The following EVC variants were observed in gnomAD, a reference collection of about 807,000 sequenced individuals.
The protein encoded by EVC is EvC ciliary complex subunit 1.
EVC carries 116 observed loss-of-function variants against 118.9 expected under a neutral mutation model. The observed-to-expected ratio is 0.98, with a 90% confidence interval of 0.84 to 1.14. The LOEUF (loss-of-function observed/expected upper bound fraction) is 1.14. Among genes scored for constraint, EVC ranks in the 50% most tolerant of loss-of-function variants. EVC has a pLI of 0.00. For missense variants in EVC, 1,401 were observed against 1,246.4 expected, an observed-to-expected ratio of 1.12 and a Z score of -1.87; for synonymous variants, 619 against 534.7, an observed-to-expected ratio of 1.16 and a Z score of -2.18.
At position 5,756,547 on chromosome 4, in the gene EVC, A is replaced by T. The variant is rs12499655; in HGVS notation, c.1563+185A>T. Among the ~76,000 whole-genome samples the T allele has an allele frequency of 2.6e-4, 40 of 152,166 alleles. No individual in the cohort carries two copies. Among genetic ancestry groups the T allele is most frequent in the African/African-American group, 9.4e-4 (39 of 41,496 alleles). ...CCTTGCCCACATCAGAAACCGAGGC[A>T]GTTGGCCTTGGTCCTCTCTGAGGCA... On this transcript the variant is annotated intron_variant, in intron 11 of 20. Coordinates refer to ENST00000264956, the MANE Select transcript of EVC (RefSeq NM_153717.3). The surrounding 1 kb of genome is among the most constrained non-coding windows in gnomAD (Gnocchi z 4.2).
intron 14 of EVC, among the ~76,000 whole-genome samples, chr4:5,797,879 G>A (rs1560426570): frequency 6.6e-6 from 1 of 152,304 alleles, no homozygotes; most frequent in Admixed American, 6.5e-5. Flanking sequence ...AGGCCTCTGT[G>A]GTCTCTTTGA....
At chr4:5,714,097 G>A (rs1208091586) in intron 1 of EVC, among the ~76,000 whole-genome samples, 3 of 151,962 alleles carry the variant, frequency 2.0e-5, no homozygotes, top group South Asian at 4.1e-4. Flanking sequence ...CTCCGCCTGC[G>A]CGGTCCTTTC....
In EVC at chr4:5,731,706, G is replaced by A. The variant is rs576017303; in HGVS notation, c.617+49G>A. ...ATGAGGCTTCCAGTCCTCTTGGAGT[G>A]GGCCGGGAGTCACATCATTGTCAGA... is the stretch of plus-strand genomic sequence containing the variant. On this transcript the variant is annotated intron_variant, in intron 4 of 20. Coordinates refer to ENST00000264956, the MANE Select transcript of EVC (RefSeq NM_153717.3). This position sits in a 1 kb window ranked among gnomAD's most constrained non-coding sequence, Gnocchi z 5.6. 101 of 1,532,238 alleles carry A rather than the reference G, an allele frequency of 6.6e-5. 3 individuals are homozygous for A. In the South Asian group the frequency reaches 1.1e-3, roughly 17 times the overall value. The allele number at this position is 1,532,238 out of a possible 1,614,324, so 94.9% of individuals were successfully genotyped here.
Position 5,804,769 on chromosome 4 carries a change from A to C in EVC, c.2489A>C (p.Glu830Ala). 6.2e-7 allele frequency: 1 copy of C among 1,614,138 alleles called. No individual in the cohort carries two copies. Among genetic ancestry groups the C allele is most frequent in the Non-Finnish European group, 8.5e-7 (1 of 1,180,032 alleles). Residue 830 changes from glutamate to alanine, a missense_variant, in exon 17 of 21, where the codon GAA (glutamate) becomes GCA (alanine). Coordinates refer to ENST00000264956, the MANE Select transcript of EVC (RefSeq NM_153717.3). Reference sequence around the variant, plus strand: ...AATTACAAACTGCGGAAAAAGCAAGAACTCAGCAACCCTTCGTCGGGCAGC... The same window carrying C: ...AATTACAAACTGCGGAAAAAGCAAGCACTCAGCAACCCTTCGTCGGGCAGC... ...MENYKLRKKQ[E>A]LSNPSSGSRT...
chr4:5,767,690 T>G (rs1225989347), intron 11 of EVC, among the ~76,000 whole-genome samples: 3 of 152,104 alleles, frequency 2.0e-5, no homozygotes, highest in Non-Finnish European at 4.4e-5. Context: ...CCCCTTTCTT[T>G]GATTAGGAAA....
intron 3 of EVC, among the ~76,000 whole-genome samples, chr4:5,729,855 A>G (rs1395108350): frequency 3.9e-5 from 6 of 152,170 alleles, no homozygotes; most frequent in African/African-American, 1.4e-4. Context: ...ACACGTAAGG[A>G]AACTGAGGCC....
chr4:5,818,253 C>A (rs1560463891), downstream of EVC, among the ~76,000 whole-genome samples: 2 of 152,196 alleles, frequency 1.3e-5, no homozygotes, highest in African/African-American at 4.8e-5. Context: ...CCACGTGGAA[C>A]TGTGAGTCCA....
chr4:5,719,122 C>T lies in EVC; in HGVS notation c.175-126C>T. The T allele has an allele frequency of 7.9e-7, 1 of 1,273,016 alleles. No individual in the cohort carries two copies. Among genetic ancestry groups the T allele is most frequent in the Non-Finnish European group, 1.1e-6 (1 of 879,418 alleles). The allele number at this position is 1,273,016 out of a possible 1,614,324, so 78.9% of individuals were successfully genotyped here. ...CACAGAAGACCAAGCTTGAGAAGCACAGAGGCGAGCAGAAGTGGCTGCTGG... is the reference window on the plus strand; with the variant it reads ...CACAGAAGACCAAGCTTGAGAAGCATAGAGGCGAGCAGAAGTGGCTGCTGG... On this transcript the variant is annotated intron_variant, in intron 1 of 20. Coordinates refer to ENST00000264956, the MANE Select transcript of EVC (RefSeq NM_153717.3). This position sits in a 1 kb window ranked among gnomAD's most constrained non-coding sequence, Gnocchi z 4.7.
the EVC span, chr4:5,826,165 G>C: frequency 6.4e-6 from 1 of 157,472 alleles, no homozygotes; most frequent in Non-Finnish European, 1.4e-5. Flanking sequence ...CATGCAGGAG[G>C]ACCCCAAATC....
intron 11 of EVC, among the ~76,000 whole-genome samples, chr4:5,763,845 A>C (rs954829020): frequency 2.0e-5 from 2 of 97,840 alleles, no homozygotes; most frequent in African/African-American, 9.0e-5. Flanking sequence ...TGTTGTCTGC[A>C]AACAGGGACA....
intron 11 of EVC, chr4:5,758,391 T>C (rs530382229): frequency 1.0e-4 from 42 of 421,570 alleles, no homozygotes; most frequent in African/African-American, 6.9e-4. Context: ...GCTCCTATCT[T>C]AAGTGCCTCT....
intron 1 of EVC, among the ~76,000 whole-genome samples, chr4:5,717,719 C>T (rs1362971493): frequency 6.6e-6 from 1 of 152,262 alleles, no homozygotes; most frequent in Non-Finnish European, 1.5e-5. Flanking sequence ...GAATGCTCCT[C>T]CCTGAGATAT....
intron 12 of EVC, among the ~76,000 whole-genome samples, chr4:5,792,517 CTT>C (rs1246329891): frequency 1.3e-5 from 2 of 152,188 alleles, no homozygotes; most frequent in Non-Finnish European, 2.9e-5. Flanking sequence ...TGATGGAAGA[CTT>C]TAATACCCCA....
intron 16 of EVC, among the ~76,000 whole-genome samples, chr4:5,804,452 G>A (rs1347136121): frequency 6.6e-6 from 1 of 152,162 alleles, no homozygotes; most frequent in Non-Finnish European, 1.5e-5. Context: ...CCTTCTCAGT[G>A]TTGACTTTTT....
intron 1 of EVC, among the ~76,000 whole-genome samples, chr4:5,718,680 G>A (rs113972811): frequency 0.1 from 15,316 of 152,224 alleles, 1,000 homozygotes; most frequent in Middle Eastern, 0.15. Context: ...CTGTAAAAGC[G>A]CCATGAGCAT....
At chr4:5,734,374 C>A (rs1266863801) in intron 5 of EVC, among the ~76,000 whole-genome samples, 1 of 152,100 alleles carries the variant, frequency 6.6e-6, no homozygotes, top group Non-Finnish European at 1.5e-5. Flanking sequence ...GGCATGGTGG[C>A]TCACGACTAT....
At chr4:5,781,501 G>T (rs1735589237) in intron 11 of EVC, among the ~76,000 whole-genome samples, 1 of 152,058 alleles carries the variant, frequency 6.6e-6, no homozygotes, top group Admixed American at 6.6e-5. Flanking sequence ...AGTCCATTCT[G>T]GGTGTAAAAG....
At chr4:5,806,449 ATTTCTG>A (rs1381282083) in intron 17 of EVC, among the ~76,000 whole-genome samples, 1 of 151,930 alleles carries the variant, frequency 6.6e-6, no homozygotes, top group African/African-American at 2.4e-5. Flanking sequence ...AATATGAGAT[ATTTCTG>A]TTTCTGAGTT....
chr4:5,730,859 T>C (rs1050151796), intron 3 of EVC, among the ~76,000 whole-genome samples: 3 of 151,994 alleles, frequency 2.0e-5, no homozygotes, highest in Non-Finnish European at 4.4e-5. Context: ...AGGCTGACAT[T>C]TGCTGGGCCC....
Sources: allele counts gnomAD v4.1 joint callset (sites outside exome capture counted in the v4.1 genomes callset), GRCh38; gene constraint gnomAD v4.1.1; non-coding constraint Gnocchi (gnomAD v3.1); transcripts MANE v1.5; gene names NCBI Gene and HGNC (gene_info 2026-07-23, HGNC 2026-07-21).